The following MID2 variants were observed in gnomAD, a reference collection of about 807,000 sequenced individuals.
The protein encoded by MID2 is probable E3 ubiquitin-protein ligase MID2.
In MID2, 13 loss-of-function variants were observed where a neutral mutation model predicts 46.1. The observed-to-expected ratio is 0.28, with a 90% CI of 0.18 to 0.45. The LOEUF is 0.45. Ranked by LOEUF, MID2 falls within the 20% of genes least tolerant of loss-of-function variation. The pLI is 1.00. For synonymous variants in MID2, 199 were observed against 212.3 expected, an observed-to-expected ratio of 0.94 and a Z score of 0.55; for missense variants, 431 against 575.4, an observed-to-expected ratio of 0.75 and a Z score of 2.57.
chrX:107,888,135 T>C, intron 3 of MID2, among the ~76,000 whole-genome samples: 1 of 112,033 alleles, frequency 8.9e-6, no homozygotes, highest in South Asian at 3.8e-4. Flanking sequence ...TCAGTTCTGC[T>C]CTGATCTTAG....
chrX:107,865,030 A>G (rs1931926335), intron 3 of MID2, among the ~76,000 whole-genome samples: 2 of 112,364 alleles, frequency 1.8e-5, no homozygotes, highest in South Asian at 7.4e-4. Context: ...TCTCATTCTC[A>G]TTTTACAGAT....
At position 107,930,055 on chromosome X, in the gene MID2, A is replaced by G. The variant is rs977805582; in HGVS notation, c.*2982A>G. Among the ~76,000 whole-genome samples the G allele has an allele frequency of 8.9e-6, 1 of 111,941 alleles. No individual in the cohort carries two copies. Among genetic ancestry groups the G allele is most frequent in the Non-Finnish European group, 1.9e-5 (1 of 53,111 alleles). Reference sequence around the variant, plus strand: ...TGATGCACCAAAAATTTTAATGAATAATCATCTTCCCTACTAGACTGAACA... The same window carrying G: ...TGATGCACCAAAAATTTTAATGAATGATCATCTTCCCTACTAGACTGAACA... On this transcript the variant is annotated 3_prime_UTR_variant, in exon 10 of 10. Coordinates refer to ENST00000262843, the MANE Select transcript of MID2 (RefSeq NM_012216.4).
chrX:107,881,034 G>A (rs1048560860), intron 3 of MID2, among the ~76,000 whole-genome samples: 5 of 112,958 alleles, frequency 4.4e-5, no homozygotes, highest in Non-Finnish European at 9.4e-5. Flanking sequence ...GTAAAGCCAC[G>A]TTTCAATGTA....
chrX:107,866,337 C>A (rs1458570571), intron 3 of MID2, among the ~76,000 whole-genome samples: 2 of 110,312 alleles, frequency 1.8e-5, no homozygotes, highest in Admixed American at 9.7e-5. Context: ...ATATTGTCTG[C>A]AGGCCAGAGA....
intron 1 of MID2, among the ~76,000 whole-genome samples, chrX:107,833,852 G>GGC (rs1372187770): frequency 9.0e-6 from 1 of 111,156 alleles, no homozygotes; most frequent in Non-Finnish European, 1.9e-5. Context: ...GGAATACAGT[G>GGC]GCACAATTAC....
At chrX:107,894,349 A>T (rs767751011) in intron 3 of MID2, among the ~76,000 whole-genome samples, 20 of 111,619 alleles carry the variant, frequency 1.8e-4, no homozygotes, top group Admixed American at 8.6e-4. Flanking sequence ...TAAAGCACCT[A>T]GGAAAGGCAA....
Position 107,930,368 on chromosome X carries a change from T to C in MID2, c.*3295T>C, listed in dbSNP as rs773907367. On this transcript the variant is annotated 3_prime_UTR_variant, in exon 10 of 10. Coordinates refer to ENST00000262843, the MANE Select transcript of MID2 (RefSeq NM_012216.4). ...CTCCTCAAAAACTCTTTGGCAGTTA[T>C]CTTGGGGAAATGTCTTTGGAGCATA... Among the ~76,000 whole-genome samples, 40 of 112,051 alleles carry C rather than the reference T, an allele frequency of 3.6e-4. No individual in the cohort carries two copies. Among genetic ancestry groups the C allele is most frequent in the South Asian group, 1.1e-3 (3 of 2,676 alleles).
At chrX:107,915,846 AAT>A (rs1602506166) in intron 5 of MID2, among the ~76,000 whole-genome samples, 154 bp from the exon 6 acceptor site, 1 of 111,841 alleles carries the variant, frequency 8.9e-6, no homozygotes, top group Non-Finnish European at 1.9e-5. Flanking sequence ...TTAAAATTTA[AAT>A]AGTTTCCATT....
At chrX:107,877,015 G>A (rs918015775) in intron 3 of MID2, among the ~76,000 whole-genome samples, 25 of 111,390 alleles carry the variant, frequency 2.2e-4, no homozygotes, top group Admixed American at 3.8e-4. Flanking sequence ...GAGGAGCAGC[G>A]CTGGAGGGAG....
At chrX:107,832,402 A>T (rs1931107489) in intron 1 of MID2, among the ~76,000 whole-genome samples, 1 of 112,311 alleles carries the variant, frequency 8.9e-6, no homozygotes, top group Non-Finnish European at 1.9e-5. Context: ...TGTGTTTGGG[A>T]TGAATTTCCA....
chrX:107,884,725 T>C (rs933876179), intron 3 of MID2, among the ~76,000 whole-genome samples: 6 of 112,281 alleles, frequency 5.3e-5, no homozygotes, highest in African/African-American at 1.9e-4. Context: ...CAGATTAGAA[T>C]GGAACATGGC....
At chrX:107,881,351 A>C (rs1480112500) in intron 3 of MID2, among the ~76,000 whole-genome samples, 3 of 112,472 alleles carry the variant, frequency 2.7e-5, no homozygotes, top group African/African-American at 9.7e-5. Context: ...CAATACAGAA[A>C]GAGGTCACAG....
At chrX:107,886,922 T>C (rs1443587833) in intron 3 of MID2, among the ~76,000 whole-genome samples, 1 of 112,091 alleles carries the variant, frequency 8.9e-6, no homozygotes, top group Non-Finnish European at 1.9e-5. Context: ...TGACTTTCTG[T>C]TTGTCTGTTA....
At chrX:107,841,585 T>G (rs1931348742) in intron 2 of MID2, among the ~76,000 whole-genome samples, 200 bp downstream of exon 2, 1 of 112,618 alleles carries the variant, frequency 8.9e-6, no homozygotes, top group Non-Finnish European at 1.9e-5. Flanking sequence ...AGTCACACAC[T>G]TCTGGCTAAC....
At chrX:107,925,423 G>A (rs1933155155) in intron 8 of MID2, among the ~76,000 whole-genome samples, 1 of 111,977 alleles carries the variant, frequency 8.9e-6, no homozygotes, top group African/African-American at 3.2e-5. Flanking sequence ...TTTGTCATAT[G>A]GTTATAAAGA....
chrX:107,926,757 A>G lies in MID2; in HGVS notation c.1892A>G (p.Asn631Ser). The G allele has an allele frequency of 2.5e-6, 3 of 1,211,411 alleles. No individual in the cohort carries two copies. Among genetic ancestry groups the G allele is most frequent in the Non-Finnish European group, 3.4e-6 (3 of 895,243 alleles). ...NASSWVFSRC[N>S]SNFVVRHNNK... ...TCCTCATGGGTCTTCTCTCGCTGCAATAGTAACTTCGTGGTGAGACACAAC... is the reference window on the plus strand; with the variant it reads ...TCCTCATGGGTCTTCTCTCGCTGCAGTAGTAACTTCGTGGTGAGACACAAC... The change falls in exon 10 of 10, where the codon AAT (asparagine) becomes AGT (serine). Residue 631 changes from asparagine to serine, a missense_variant. By Grantham distance (46) the Asn-to-Ser change is conservative. Transcript: ENST00000262843.
At chrX:107,903,079 T>C (rs965684413) in intron 3 of MID2, among the ~76,000 whole-genome samples, 5 of 112,074 alleles carry the variant, frequency 4.5e-5, no homozygotes, top group Non-Finnish European at 9.4e-5. Context: ...GGAATAAACA[T>C]GGTTCCTATA....
chrX:107,866,057 C>T (rs926797594), intron 3 of MID2, among the ~76,000 whole-genome samples: 3 of 112,232 alleles, frequency 2.7e-5, no homozygotes, highest in Admixed American at 9.4e-5. Context: ...AACAATTACA[C>T]GATGCCAGTT....
At chrX:107,891,154 T>C (rs1932593399) in intron 3 of MID2, among the ~76,000 whole-genome samples, 1 of 110,953 alleles carries the variant, frequency 9.0e-6, no homozygotes, top group South Asian at 3.9e-4. Context: ...CCCAGTGAGA[T>C]GAACCCAGTA....
Sources: allele counts gnomAD v4.1 joint callset (sites outside exome capture counted in the v4.1 genomes callset), GRCh38; gene constraint gnomAD v4.1.1; transcripts MANE v1.5; gene names NCBI Gene and HGNC (gene_info 2026-07-23, HGNC 2026-07-21).